The following TGFBRAP1 variants were observed in gnomAD, a reference collection of about 807,000 sequenced individuals.
TGFBRAP1 encodes transforming growth factor beta receptor associated protein 1.
In TGFBRAP1, 20 loss-of-function variants were observed where a neutral mutation model predicts 83.2. The ratio of observed to expected loss-of-function variants is 0.24; its 90% CI spans 0.17 to 0.35. The LOEUF is 0.35. TGFBRAP1 is among the 10% of genes least tolerant of loss of function. The pLI, the probability that TGFBRAP1 is intolerant of heterozygous loss-of-function variation, is 1.00. For missense variants in TGFBRAP1, 950 were observed against 1,099.4 expected (o/e 0.86, Z 1.92); for synonymous variants, 415 against 459.8 (o/e 0.90, Z 1.25).
intron 10 of TGFBRAP1, among the ~76,000 whole-genome samples, chr2:105,270,530 A>G (rs1365682863): frequency 6.6e-6 from 1 of 152,266 alleles, no homozygotes; most frequent in Non-Finnish European, 1.5e-5. Flanking sequence ...TCAAGAGATT[A>G]TAAGATCTCT....
chr2:105,311,936 AT>A lies in TGFBRAP1; in HGVS notation c.-17-3619del, dbSNP rs1192484107. 2.0e-4 allele frequency among the ~76,000 whole-genome samples: 31 copies of A among 151,928 alleles called. No individual in the cohort carries two copies. The East Asian group carries it at 2.1e-3, about 10-fold the overall frequency. ...AAAAAAAAAATTAATTTAAAAAACT[AT>A]TTTTTTTAAGCAGTGGGAAAATTCT... On this transcript the variant is annotated intron_variant, in intron 1 of 11. Transcript: ENST00000393359.
At chr2:105,273,257 C>T (rs1677221780) in intron 9 of TGFBRAP1, among the ~76,000 whole-genome samples, 1 of 151,980 alleles carries the variant, frequency 6.6e-6, no homozygotes, top group Non-Finnish European at 1.5e-5. Flanking sequence ...TTTAGATAAC[C>T]TACAAAAAGG....
At chr2:105,312,053 C>T (rs1286028469) in intron 1 of TGFBRAP1, among the ~76,000 whole-genome samples, 2 of 152,020 alleles carry the variant, frequency 1.3e-5, no homozygotes, top group East Asian at 1.9e-4. Context: ...TTAAATATAA[C>T]TTGCTGGGGT....
At chr2:105,251,987 C>A in the TGFBRAP1 span, among the ~76,000 whole-genome samples, 3 of 149,332 alleles carry the variant, frequency 2.0e-5, no homozygotes, top group Non-Finnish European at 4.5e-5. Context: ...ATCTCAAGTA[C>A]CCAGGGACAC....
chr2:105,323,528 T>C (rs1431378189), intron 1 of TGFBRAP1, among the ~76,000 whole-genome samples: 1 of 151,718 alleles, frequency 6.6e-6, no homozygotes, highest in Non-Finnish European at 1.5e-5. Context: ...CAGCAGGGAG[T>C]GAAGGCTTGA....
At chr2:105,272,724 T>A (rs1677200074) in intron 10 of TGFBRAP1, 131 bp downstream of exon 10, 2 of 1,249,868 alleles carry the variant, frequency 1.6e-6, no homozygotes, top group African/African-American at 1.5e-5. Flanking sequence ...AAAATCTTTT[T>A]AAAAAAAGAG....
chr2:105,275,508 G>GT, intron 8 of TGFBRAP1, 52 bp downstream of exon 8: 4 of 1,603,930 alleles, frequency 2.5e-6, no homozygotes, highest in Non-Finnish European at 3.4e-6. Flanking sequence ...TTTGGGGTCT[G>GT]TTTTTACCAC....
At chr2:105,281,224 GA>G (rs1381555863) in intron 5 of TGFBRAP1, among the ~76,000 whole-genome samples, 1 of 152,222 alleles carries the variant, frequency 6.6e-6, no homozygotes, top group Admixed American at 6.5e-5. Context: ...AGAAGACACA[GA>G]AATATTCATG....
intron 2 of TGFBRAP1, among the ~76,000 whole-genome samples, chr2:105,301,601 A>T (rs780457045): frequency 1.2e-4 from 19 of 152,188 alleles, no homozygotes; most frequent in Non-Finnish European, 2.6e-4. Context: ...AAGAAAAAAA[A>T]CCACACAGGT....
At chr2:105,252,751 CT>C in the TGFBRAP1 span, among the ~76,000 whole-genome samples, 50 of 113,318 alleles carry the variant, frequency 4.4e-4, no homozygotes, top group African/African-American at 8.3e-4. Context: ...ATATTAACAT[CT>C]TTTTTTTTTT....
the TGFBRAP1 span, chr2:105,249,709 T>G: frequency 1.6e-4 from 24 of 152,326 alleles, no homozygotes; most frequent in South Asian, 5.0e-3. Context: ...TACGATCAAC[T>G]CTGCCCAAGA....
At chr2:105,253,455 A>G in the TGFBRAP1 span, among the ~76,000 whole-genome samples, 5 of 152,150 alleles carry the variant, frequency 3.3e-5, no homozygotes, top group African/African-American at 1.2e-4. Context: ...TTTAAAGAAC[A>G]GGGTCTCACT....
chr2:105,275,847 T>C, intron 7 of TGFBRAP1, 144 bp from the exon 8 acceptor site: 1 of 818,326 alleles, frequency 1.2e-6, no homozygotes, highest in East Asian at 3.1e-5. Flanking sequence ...AAACTGTAAA[T>C]GCTTAAATTT....
intron 4 of TGFBRAP1, among the ~76,000 whole-genome samples, chr2:105,284,827 G>T (rs1190081979): frequency 6.6e-6 from 1 of 152,166 alleles, no homozygotes; most frequent in Non-Finnish European, 1.5e-5. Context: ...AAACACCCAG[G>T]CTTTCTTAGT....
intron 1 of TGFBRAP1, chr2:105,327,243 T>C (rs923206334): frequency 6.6e-6 from 1 of 152,128 alleles, no homozygotes; most frequent in East Asian, 1.9e-4. Flanking sequence ...ACAGAAATGT[T>C]AGCTGCATAT....
At chr2:105,278,069 T>G (rs1377972721) in intron 6 of TGFBRAP1, among the ~76,000 whole-genome samples, 1 of 6,584 alleles carries the variant, frequency 1.5e-4, no homozygotes, top group Non-Finnish European at 4.3e-4. Flanking sequence ...AAAAAATATA[T>G]GTGTGTGTGT....
At chr2:105,256,787 T>A in the TGFBRAP1 span, among the ~76,000 whole-genome samples, 1 of 152,152 alleles carries the variant, frequency 6.6e-6, no homozygotes, top group African/African-American at 2.4e-5. Context: ...GGTTAGACAT[T>A]CTAATCACAG....
intron 1 of TGFBRAP1, among the ~76,000 whole-genome samples, chr2:105,321,058 T>C (rs565633454): frequency 3.3e-4 from 51 of 152,366 alleles, no homozygotes; most frequent in Non-Finnish European, 5.6e-4. Flanking sequence ...GGACTTCCTC[T>C]GACTGGCTGA....
At chr2:105,307,591 G>A (rs1558649134) in intron 2 of TGFBRAP1, 23 bp downstream of exon 2, 3 of 1,578,978 alleles carry the variant, frequency 1.9e-6, no homozygotes, top group Non-Finnish European at 2.6e-6. Context: ...AAAAGATCAG[G>A]CGCACAAATG....
Sources: gnomAD v4.1 joint callset for allele counts (sites outside exome capture counted in the v4.1 genomes callset) on GRCh38, gnomAD v4.1.1 for gene constraint, MANE v1.5 for transcripts, NCBI Gene and HGNC (gene_info 2026-07-23, HGNC 2026-07-21) for gene names.